OR8J1: variants seen among roughly 807,000 people sequenced by gnomAD.
The protein encoded by OR8J1 is olfactory receptor family 8 subfamily J member 1.
For missense variants in OR8J1, 400 were observed against 373.0 expected (o/e 1.07, Z -0.60); for synonymous variants, 157 against 144.3 (o/e 1.09, Z -0.63).
In OR8J1 at chr11:56,361,196, A is replaced by G; in HGVS notation, c.950A>G (p.Ter317=). The G allele has an allele frequency of 8.1e-7, 1 of 1,227,802 alleles. No homozygotes were observed. Among genetic ancestry groups the G allele is most frequent in the Non-Finnish European group, 1.1e-6 (1 of 936,288 alleles). The allele number at this position is 1,227,802 out of a possible 1,614,324, so 76.1% of individuals were successfully genotyped here. ...TNLCYSFKTM[*] ...CTGTGCTATTCCTTTAAAACAATGTAATTTTAAACAGTACAGGTAAATGAG... is the reference window on the plus strand; with the variant it reads ...CTGTGCTATTCCTTTAAAACAATGTGATTTTAAACAGTACAGGTAAATGAG... The change falls in exon 2 of 2, where the codon TAA becomes TGA. Residue 317 remains the stop codon, a stop_retained_variant. Transcript: ENST00000533152.
rs918390672 is a variant in OR8J1, at chr11:56,358,741, T to C, written c.-20-1486T>C. On this transcript the variant is annotated intron_variant, in intron 1 of 1. Transcript: ENST00000533152. Reference sequence around the variant, plus strand: ...GTTTCTACATTTCTTTACCAGATTTTTGTATGTTTCCTTTCATTGGAATAG... The same window carrying C: ...GTTTCTACATTTCTTTACCAGATTTCTGTATGTTTCCTTTCATTGGAATAG... 3.3e-5 allele frequency among the ~76,000 whole-genome samples: 5 copies of C among 152,194 alleles called. No homozygotes were observed. In the East Asian group the frequency reaches 7.7e-4, roughly 23 times the overall value.
rs531853638 is a variant in OR8J1, at chr11:56,359,913, T to C, written c.-20-314T>C. ...CATGCCTAATGCAAATGATATAAAATATTAATTGTGGCTTCAAATGTTTGC... is the reference window on the plus strand; with the variant it reads ...CATGCCTAATGCAAATGATATAAAACATTAATTGTGGCTTCAAATGTTTGC... On this transcript the variant is annotated intron_variant, in intron 1 of 1. Transcript: ENST00000533152. 1.8e-3 allele frequency among the ~76,000 whole-genome samples: 271 copies of C among 152,300 alleles called. 2 individuals are homozygous for C. Among genetic ancestry groups the C allele is most frequent in the African/African-American group, 6.2e-3 (258 of 41,578 alleles).
Position 56,360,968 on chromosome 11 carries a change from G to C in OR8J1, c.722G>C (p.Cys241Ser). 6.8e-7 allele frequency: 1 copy of C among 1,475,986 alleles called. No individual in the cohort carries two copies. The highest frequency in any genetic ancestry group is 8.9e-7 in the Non-Finnish European group (1 of 1,117,666). The allele number at this position is 1,475,986 out of a possible 1,614,324, so 91.4% of individuals were successfully genotyped here. The stretch of plus-strand genomic sequence containing the variant: ...GGAAGGAAAAAAGCCTTTTCTACCT[G>C]TGCTTCACATATGATGGCAGTCACA... The part of the protein sequence containing the change: ...SEGRKKAFST[C>S]ASHMMAVTIF... Residue 241 changes from cysteine (C) to serine (S), a missense_variant, in exon 2 of 2, where the codon TGT becomes TCT. Cys to Ser is a moderately radical substitution (Grantham distance 112, BLOSUM62 -1). Transcript: ENST00000533152.
chr11:56,361,392 GA>G lies in OR8J1; in HGVS notation c.*205del, dbSNP rs377422813. 6,470 of 361,740 alleles carry G rather than the reference GA, an allele frequency of 0.018. 263 individuals are homozygous for G. The highest frequency in any genetic ancestry group is 0.11 in the African/African-American group (5,140 of 46,856). 22.4% of individuals were successfully genotyped at this position (361,740 alleles called of 1,614,324 possible). A position where few individuals can be genotyped will look rare whatever the true frequency, so the allele number is the denominator to read the frequency against. ...CCCTTTGAGTTGTGAGGTTAAGTTA[GA>G]AAAAAAAAATGTTATTTACCAATTC... On this transcript the variant is annotated 3_prime_UTR_variant, in exon 2 of 2. Transcript: ENST00000533152.
chr11:56,356,450 G>A (rs954861286), intron 1 of OR8J1, among the ~76,000 whole-genome samples: 4 of 152,132 alleles, frequency 2.6e-5, no homozygotes, highest in African/African-American at 9.7e-5. Flanking sequence ...CATTTACATT[G>A]GCTGATAGTT....
intron 1 of OR8J1, among the ~76,000 whole-genome samples, chr11:56,355,247 A>C (rs1489895620): frequency 6.6e-6 from 1 of 151,756 alleles, no homozygotes; most frequent in East Asian, 1.9e-4. Context: ...TTGTTGACTA[A>C]AACTAGTAAT....
In OR8J1 at chr11:56,359,842, T is replaced by C. The variant is rs542899910; in HGVS notation, c.-20-385T>C. On this transcript the variant is annotated intron_variant, in intron 1 of 1. Transcript: ENST00000533152. ...AAGAAAAAGCAAGAAGTCTCAAATT[T>C]AGAAATTGGATTATTTGCAGACATA... Among the ~76,000 whole-genome samples, 3 of 152,260 alleles carry C rather than the reference T, an allele frequency of 2.0e-5. No individual in the cohort carries two copies. The East Asian group carries it at 5.8e-4, about 29-fold the overall frequency.
chr11:56,356,757 C>T (rs1433384000), intron 1 of OR8J1, among the ~76,000 whole-genome samples: 1 of 152,134 alleles, frequency 6.6e-6, no homozygotes, highest in Non-Finnish European at 1.5e-5. Context: ...TGATGTTTCT[C>T]AAGCCTAACC....
intron 1 of OR8J1, chr11:56,358,108 G>A (rs544487727): frequency 2.6e-5 from 13 of 493,636 alleles, no homozygotes; most frequent in African/African-American, 2.1e-4. Context: ...CAAGACAGAA[G>A]TTATGAAGAA....
chr11:56,360,939 A>C lies in OR8J1; in HGVS notation c.693A>C (p.Ser231=), dbSNP rs2134918243. 6.7e-7 allele frequency: 1 copy of C among 1,481,846 alleles called. No homozygotes were observed. The highest frequency in any genetic ancestry group is 2.4e-5 in the East Asian group (1 of 41,498). 91.8% of individuals were successfully genotyped at this position (1,481,846 alleles called of 1,614,324 possible). The change falls in exon 2 of 2, where the codon TCA becomes TCC. Residue 231 remains serine, a synonymous_variant. Transcript: ENST00000533152. The part of the protein sequence containing the change: ...IVLSILKICS[S]EGRKKAFSTC... ...TGTCTATTTTAAAAATATGTTCATC[A>C]GAAGGAAGGAAAAAAGCCTTTTCTA...
Position 56,360,463 on chromosome 11 carries a change from A to T in OR8J1, c.217A>T (p.Asn73Tyr), listed in dbSNP as rs1383741947. The stretch of plus-strand genomic sequence containing the variant: ...ACATCTGGCTCTCATTAATCTTGGT[A>T]ACTCTACTGTCATTGCCCCTAAAAT... Reference protein sequence around the residue: ...LQHLALINLGNSTVIAPKMLI... With the variant: ...LQHLALINLGYSTVIAPKMLI... Residue 73 changes from asparagine (N) to tyrosine (Y), a missense_variant, in exon 2 of 2, where the codon AAC (asparagine) becomes TAC (tyrosine). Asn to Tyr is a moderately radical substitution (Grantham distance 143). Coordinates refer to ENST00000533152, the MANE Select transcript of OR8J1 (RefSeq NM_001005205.3). The T allele has an allele frequency of 1.9e-6, 3 of 1,614,116 alleles. No homozygotes were observed. Among genetic ancestry groups the T allele is most frequent in the African/African-American group, 1.3e-5 (1 of 75,044 alleles).
At chr11:56,359,946 G>T (rs910753158) in intron 1 of OR8J1, among the ~76,000 whole-genome samples, 13 of 152,156 alleles carry the variant, frequency 8.5e-5, no homozygotes, top group African/African-American at 3.1e-4. Flanking sequence ...TGCAAACTAA[G>T]AATGTACTCA....
chr11:56,360,639 G>C lies in OR8J1; in HGVS notation c.393G>C (p.Leu131=), dbSNP rs747157280. 1.4e-5 allele frequency: 23 copies of C among 1,612,112 alleles called. No homozygotes were observed. Among genetic ancestry groups the C allele is most frequent in the Admixed American group, 1.0e-4 (6 of 59,664 alleles). ...DRYVAICNPL[L]YMVVVSRRLC... ...ATGTGGCTATTTGTAACCCTCTGCT[G>C]TACATGGTGGTGGTGTCTCGGCGGC... The change falls in exon 2 of 2, where the codon CTG becomes CTC. Residue 131 remains leucine (L), a synonymous_variant. Transcript: ENST00000533152.
At chr11:56,359,218 C>T (rs1852600815) in intron 1 of OR8J1, among the ~76,000 whole-genome samples, 1 of 151,824 alleles carries the variant, frequency 6.6e-6, no homozygotes, top group South Asian at 2.1e-4. Context: ...AGAAGATTAT[C>T]CTAAATATAA....
intron 1 of OR8J1, among the ~76,000 whole-genome samples, 198 bp downstream of exon 1, chr11:56,354,523 C>G (rs1457781637): frequency 6.6e-6 from 1 of 152,078 alleles, no homozygotes; most frequent in East Asian, 1.9e-4. Context: ...TATGATCAAG[C>G]TATTTATGTC....
chr11:56,360,662 G>A lies in OR8J1; in HGVS notation c.416G>A (p.Arg139Gln), dbSNP rs759085067. The A allele has an allele frequency of 3.0e-5, 48 of 1,611,056 alleles. No homozygotes were observed. The highest frequency in any genetic ancestry group is 3.8e-5 in the Non-Finnish European group (45 of 1,178,896). The change falls in exon 2 of 2, where the codon CGG (arginine) becomes CAG (glutamine). Residue 139 changes from arginine (R) to glutamine (Q), a missense_variant. Transcript: ENST00000533152. The part of the protein sequence containing the change: ...PLLYMVVVSR[R>Q]LCLLLVSLTY... ...CTGTACATGGTGGTGGTGTCTCGGC[G>A]GCTCTGCCTCCTGCTGGTCTCCCTC... is the stretch of plus-strand genomic sequence containing the variant.
chr11:56,356,467 T>A (rs1369868295), intron 1 of OR8J1, among the ~76,000 whole-genome samples: 1 of 152,150 alleles, frequency 6.6e-6, no homozygotes, highest in Non-Finnish European at 1.5e-5. Context: ...AGTTGGCATG[T>A]TTGCTAAGGG....
At chr11:56,357,908 C>A in intron 1 of OR8J1, 2 of 842,636 alleles carry the variant, frequency 2.4e-6, no homozygotes, top group Non-Finnish European at 4.0e-6. Context: ...CAGAAGTACA[C>A]CGGAAGGACA....
chr11:56,359,534 G>A (rs187371757), intron 1 of OR8J1, among the ~76,000 whole-genome samples: 24 of 151,586 alleles, frequency 1.6e-4, no homozygotes, highest in African/African-American at 5.1e-4. Context: ...GAGAAAGAAG[G>A]AACAGAAAGT....
Sources: allele counts gnomAD v4.1 joint callset (sites outside exome capture counted in the v4.1 genomes callset), GRCh38; gene constraint gnomAD v4.1.1; transcripts MANE v1.5; gene names NCBI Gene and HGNC (gene_info 2026-07-23, HGNC 2026-07-21).